Variants in PCDHGB2 observed in about 807,000 individuals in gnomAD.
The protein encoded by PCDHGB2 is protocadherin gamma-B2.
PCDHGB2 carries 55 observed loss-of-function variants against 59.3 expected under a neutral mutation model. That is an observed-to-expected ratio of 0.93 (90% CI 0.75 to 1.16). The LOEUF is 1.16. PCDHGB2 is among the 50% of genes most tolerant of loss of function. PCDHGB2 has a pLI of 0.00. For missense variants in PCDHGB2, 1,228 were observed against 1,198.5 expected (o/e 1.02, Z -0.36); for synonymous variants, 516 against 512.0 (o/e 1.01, Z -0.11).
At chr5:141,437,944 G>A (rs576107104) in intron 1 of PCDHGB2, among the ~76,000 whole-genome samples, 1 of 152,178 alleles carries the variant, frequency 6.6e-6, no homozygotes, top group South Asian at 2.1e-4. Flanking sequence ...CACCATATTG[G>A]CCAGAATGGT....
rs753696787 is a variant in PCDHGB2, at chr5:141,361,506, C to A, written c.1371C>A (p.Tyr457Ter). The A allele has an allele frequency of 1.2e-6, 2 of 1,614,046 alleles. No homozygotes were observed. Among genetic ancestry groups the A allele is most frequent in the Non-Finnish European group, 8.5e-7 (1 of 1,179,894 alleles). ...DNAPVFQQTS[Y>*]MVHVAENNPP... is the part of the protein sequence containing the mutation. ...CCCCAGTTTTCCAACAGACTTCCTA[C>A]ATGGTTCACGTGGCAGAGAACAATC... Residue 457 changes from tyrosine (Y) to a stop codon, truncating the protein, a stop_gained, in exon 1 of 4, where the codon TAC becomes TAA. Transcript: ENST00000522605. LOFTEE classifies it high-confidence loss of function.
In PCDHGB2 at chr5:141,487,072, T is replaced by C. The variant is rs754589618; in HGVS notation, c.2422-7735T>C. On this transcript the variant is annotated intron_variant, in intron 1 of 3. Coordinates refer to ENST00000522605, the MANE Select transcript of PCDHGB2 (RefSeq NM_018923.3). This position sits in a 1 kb window ranked among gnomAD's most constrained non-coding sequence, Gnocchi z 5.0. ...CTGGGGAGGTGCGGACGGCTGTTCCTATCCCAGCTGACCTCCCACCACAGA... is the reference window on the plus strand; with the variant it reads ...CTGGGGAGGTGCGGACGGCTGTTCCCATCCCAGCTGACCTCCCACCACAGA... 8.1e-6 allele frequency: 13 copies of C among 1,614,010 alleles called. No homozygotes were observed. Among genetic ancestry groups the C allele is most frequent in the Non-Finnish European group, 1.1e-5 (13 of 1,179,966 alleles).
At chr5:141,399,957 C>T in intron 1 of PCDHGB2, 5 of 1,612,212 alleles carry the variant, frequency 3.1e-6, no homozygotes, top group South Asian at 1.1e-5. Flanking sequence ...CTAGCGAGCC[C>T]GGGCTCTTCA....
intron 1 of PCDHGB2, among the ~76,000 whole-genome samples, chr5:141,474,120 T>C (rs2099343213): frequency 6.6e-6 from 1 of 151,910 alleles, no homozygotes; most frequent in Non-Finnish European, 1.5e-5. Flanking sequence ...ACAACGAAAA[T>C]CTCAGAAAAC....
chr5:141,414,066 A>G, intron 1 of PCDHGB2: 2 of 1,608,358 alleles, frequency 1.2e-6, no homozygotes, highest in African/African-American at 1.3e-5. Context: ...TGAAGTTCCA[A>G]CTAAACAAAT....
At chr5:141,428,882 T>C in intron 1 of PCDHGB2, 1 of 151,216 alleles carries the variant, frequency 6.6e-6, no homozygotes, top group African/African-American at 2.4e-5. Context: ...TTGGACGGAG[T>C]CTCGCTCTGT....
chr5:141,420,920 A>G, intron 1 of PCDHGB2: 1 of 338,894 alleles, frequency 3.0e-6, no homozygotes, highest in Middle Eastern at 8.3e-4. Flanking sequence ...GTGATTCACA[A>G]AGGTGAGCGT....
At chr5:141,420,289 AT>A in intron 1 of PCDHGB2, 1 of 1,497,936 alleles carries the variant, frequency 6.7e-7, no homozygotes, top group Non-Finnish European at 9.0e-7. Flanking sequence ...GTATTTAAAA[AT>A]GTATTTAATC....
At chr5:141,408,396 A>G (rs764101918) in intron 1 of PCDHGB2, 18 of 1,614,020 alleles carry the variant, frequency 1.1e-5, no homozygotes, top group South Asian at 5.5e-5. Flanking sequence ...TCGGCTCGCA[A>G]GCTGCGAGTG....
At chr5:141,365,248 A>G in intron 1 of PCDHGB2, 5 of 1,613,892 alleles carry the variant, frequency 3.1e-6, no homozygotes, top group Non-Finnish European at 4.2e-6. Flanking sequence ...CTCTACAATC[A>G]CTGGACTATG....
Position 141,389,941 on chromosome 5 carries a change from T to C in PCDHGB2, c.2421+27385T>C, listed in dbSNP as rs772172943. 2.5e-6 allele frequency: 4 copies of C among 1,613,952 alleles called. No homozygotes were observed. In the African/African-American group the frequency reaches 5.3e-5, roughly 22 times the overall value. On this transcript the variant is annotated intron_variant, in intron 1 of 3. Coordinates refer to ENST00000522605, the MANE Select transcript of PCDHGB2 (RefSeq NM_018923.3). ...GACCCCTCTGACCTCCAGGCTGAGC[T>C]GCAGTTTTACCTAGTGGTGGCCTTG...
At chr5:141,398,529 G>A (rs375949491) in intron 1 of PCDHGB2, 2 of 1,613,544 alleles carry the variant, frequency 1.2e-6, no homozygotes, top group South Asian at 1.1e-5. Flanking sequence ...CAAAATTCAC[G>A]CAAAATTCCT....
At chr5:141,389,903 C>T in intron 1 of PCDHGB2, 1 of 1,614,092 alleles carries the variant, frequency 6.2e-7, no homozygotes, top group Non-Finnish European at 8.5e-7. Context: ...TGCCGGATAT[C>T]ACTGACCGCC....
chr5:141,371,143 A>G (rs199674539), intron 1 of PCDHGB2: 355 of 1,613,904 alleles, frequency 2.2e-4, no homozygotes, highest in Middle Eastern at 4.9e-4. Flanking sequence ...TACAGGGTCA[A>G]TGTTGCAGAG....
intron 1 of PCDHGB2, chr5:141,478,884 C>T (rs767294994): frequency 9.2e-5 from 110 of 1,194,180 alleles, no homozygotes; most frequent in Non-Finnish European, 1.2e-4. Context: ...AGCTTGGTAT[C>T]ATTTACATTA....
intron 1 of PCDHGB2, chr5:141,366,625 G>C: frequency 6.2e-7 from 1 of 1,614,274 alleles, no homozygotes; most frequent in Non-Finnish European, 8.5e-7. Flanking sequence ...ACTCGAGGAA[G>C]AGTCACCTGA....
Position 141,431,740 on chromosome 5 carries a change from T to C in PCDHGB2, c.2422-63067T>C. 6.2e-7 allele frequency: 1 copy of C among 1,614,230 alleles called. No individual in the cohort carries two copies. Among genetic ancestry groups the C allele is most frequent in the South Asian group, 1.1e-5 (1 of 91,088 alleles). On this transcript the variant is annotated intron_variant, in intron 1 of 3. Transcript: ENST00000522605. This position sits in a 1 kb window ranked among gnomAD's most constrained non-coding sequence, Gnocchi z 4.8. ...TGCAAGCAATGGATAATGCAGGATA[T>C]TCTGCGCGAGCCAAAGTCCTGATCA... is the stretch of plus-strand genomic sequence containing the variant.
Position 141,418,592 on chromosome 5 carries a change from G to A in PCDHGB2, c.2421+56036G>A, listed in dbSNP as rs772314584. Reference sequence around the variant, plus strand: ...TGACAACCCCCCAGTGTTCAGCCAGGACGTGTACAGGGTTAGCCTTCGGGA... The same window carrying A: ...TGACAACCCCCCAGTGTTCAGCCAGAACGTGTACAGGGTTAGCCTTCGGGA... On this transcript the variant is annotated intron_variant, in intron 1 of 3. Transcript: ENST00000522605. 18 of 1,614,020 alleles carry A rather than the reference G, an allele frequency of 1.1e-5. No homozygotes were observed. The highest frequency in any genetic ancestry group is 1.5e-5 in the Non-Finnish European group (18 of 1,179,902).
intron 1 of PCDHGB2, chr5:141,442,112 C>CTCG (rs2098300474): frequency 6.0e-6 from 1 of 166,158 alleles, no homozygotes; most frequent in Admixed American, 6.5e-5. Context: ...ACTACCGCCC[C>CTCG]TCGTCGCCGA....
Sources: gnomAD v4.1 joint callset for allele counts (sites outside exome capture counted in the v4.1 genomes callset) on GRCh38, gnomAD v4.1.1 for gene constraint, Gnocchi (gnomAD v3.1) non-coding constraint, MANE v1.5 for transcripts, NCBI Gene and HGNC (gene_info 2026-07-23, HGNC 2026-07-21) for gene names.